The following DMD variants were observed in gnomAD, a reference collection of about 807,000 sequenced individuals.
DMD encodes the protein dystrophin, also known as mutant dystrophin.
In DMD, 63 loss-of-function variants were observed where a neutral mutation model predicts 330.1. The observed-to-expected ratio is 0.19, with a 90% CI of 0.16 to 0.24. The LOEUF is 0.24. Ranked by LOEUF, DMD falls within the 10% of genes least tolerant of loss-of-function variation. The pLI, the probability that DMD is intolerant of heterozygous loss-of-function variation, is 1.00. For synonymous variants in DMD, 1,223 were observed against 959.8 expected, an observed-to-expected ratio of 1.27 and a Z score of -5.07; for missense variants, 3,344 against 2,684.1, an observed-to-expected ratio of 1.25 and a Z score of -5.43.
At chrX:32,563,739 C>A (rs1301864874) in intron 16 of DMD, among the ~76,000 whole-genome samples, 1 of 111,694 alleles carries the variant, frequency 9.0e-6, no homozygotes, top group Non-Finnish European at 1.9e-5. Context: ...AAAAGTAGTC[C>A]CATTCCAAGG....
chrX:31,912,938 T>C (rs1249411285), intron 47 of DMD, among the ~76,000 whole-genome samples: 1 of 112,783 alleles, frequency 8.9e-6, no homozygotes, highest in Non-Finnish European at 1.9e-5. Context: ...TTGGTGCTTG[T>C]TCTTTTGGAA....
chrX:31,569,494 G>C (rs1291133108), intron 55 of DMD, among the ~76,000 whole-genome samples: 1 of 105,899 alleles, frequency 9.4e-6, no homozygotes, highest in Non-Finnish European at 2.0e-5. Context: ...ATAGATTCCT[G>C]CCCTACAGTT....
intron 43 of DMD, among the ~76,000 whole-genome samples, chrX:32,258,984 G>T (rs1328275191): frequency 1.8e-5 from 2 of 110,606 alleles, no homozygotes; most frequent in African/African-American, 6.6e-5. Flanking sequence ...TACAAATTGT[G>T]GACTCACATG....
At chrX:31,926,723 G>A (rs898082994) in intron 47 of DMD, among the ~76,000 whole-genome samples, 6 of 111,358 alleles carry the variant, frequency 5.4e-5, no homozygotes, top group Middle Eastern at 4.6e-3. Flanking sequence ...AGAGTAAGGG[G>A]TCAGTTGGCT....
At chrX:32,346,200 G>A (rs1457273624) in intron 38 of DMD, 120 bp from the exon 39 acceptor site, 6 of 791,179 alleles carry the variant, frequency 7.6e-6, no homozygotes, top group Non-Finnish European at 1.1e-5. Flanking sequence ...AACTTTCATG[G>A]AATGCTATTA....
At chrX:31,828,624 A>G (rs1464169072) in intron 49 of DMD, among the ~76,000 whole-genome samples, 3 of 102,116 alleles carry the variant, frequency 2.9e-5, no homozygotes, top group Non-Finnish European at 5.9e-5. Context: ...AGATCATGCC[A>G]CAGCACTAAA....
intron 2 of DMD, among the ~76,000 whole-genome samples, chrX:32,921,626 GAGA>G (rs1054883847): frequency 4.5e-5 from 5 of 111,572 alleles, no homozygotes; most frequent in African/African-American, 6.5e-5. Context: ...CCCAGTAAGA[GAGA>G]AGGAGGATAA....
chrX:32,600,474 G>T (rs72626044), intron 12 of DMD, among the ~76,000 whole-genome samples: 1 of 106,069 alleles, frequency 9.4e-6, no homozygotes, highest in East Asian at 3.0e-4. Flanking sequence ...GGAAAGAACA[G>T]GAAAAGAACA....
chrX:32,301,650 G>A (rs1228496939), intron 42 of DMD, among the ~76,000 whole-genome samples: 1 of 110,435 alleles, frequency 9.1e-6, no homozygotes, highest in Non-Finnish European at 1.9e-5. Flanking sequence ...TTTTTTAAAT[G>A]GCAAAGGAAA....
intron 43 of DMD, among the ~76,000 whole-genome samples, chrX:32,267,075 T>C: frequency 8.9e-6 from 1 of 112,408 alleles, no homozygotes; most frequent in Admixed American, 9.4e-5. Context: ...GCCCCAGATT[T>C]GCCACTGTTG....
rs779400836 is a variant in DMD at position 33,008,674 on chromosome X, T to C, written c.93+11465A>G. 5.5e-5 allele frequency among the ~76,000 whole-genome samples: 6 copies of C among 108,837 alleles called. No homozygotes were observed. In the South Asian group the frequency reaches 2.0e-3, roughly 36 times the overall value. The allele number at this position is 108,837 out of a possible 115,157, so 94.5% of individuals were successfully genotyped here. ...TTTCTAACCTTTGAACACAATTATA[T>C]TAATATCTTTATTCATCACCTATCT... On this transcript the variant is annotated intron_variant, in intron 2 of 78. Transcript: ENST00000357033.
chrX:32,309,355 TATA>T (rs1485109695), intron 42 of DMD, among the ~76,000 whole-genome samples: 1 of 111,413 alleles, frequency 9.0e-6, no homozygotes, highest in Non-Finnish European at 1.9e-5. Context: ...CTGGGTATAC[TATA>T]ATATTTCATT....
Position 32,709,037 on chromosome X carries a change from A to G in DMD, c.650-9744T>C, listed in dbSNP as rs1015954205. On this transcript the variant is annotated intron_variant, in intron 7 of 78. Transcript: ENST00000357033. Reference sequence around the variant, plus strand: ...GAGGCATGCTGATGAAACACACCCAATCAAGAAGTAGCAAACTTTAACCCA... The same window carrying G: ...GAGGCATGCTGATGAAACACACCCAGTCAAGAAGTAGCAAACTTTAACCCA... Among the ~76,000 whole-genome samples, 3 of 112,158 alleles carry G rather than the reference A, an allele frequency of 2.7e-5. 1 individual carries two copies. The highest frequency in any genetic ancestry group is 9.7e-5 in the African/African-American group (3 of 30,812).
chrX:32,738,272 A>G (rs1049519747), intron 7 of DMD, among the ~76,000 whole-genome samples: 1 of 111,436 alleles, frequency 9.0e-6, no homozygotes, highest in South Asian at 3.7e-4. Flanking sequence ...TGTTGCTTTT[A>G]AAATCATCAC....
intron 13 of DMD, among the ~76,000 whole-genome samples, chrX:32,576,217 C>G (rs1341168262): frequency 9.0e-6 from 1 of 111,477 alleles, no homozygotes; most frequent in Non-Finnish European, 1.9e-5. Context: ...GTACAAAACC[C>G]TATATATAGT....
chrX:32,063,170 A>G (rs778520047), intron 44 of DMD, among the ~76,000 whole-genome samples: 191 of 63,762 alleles, frequency 3.0e-3, no homozygotes, highest in Non-Finnish European at 4.3e-3. Context: ...TACTCAAATA[A>G]TGTTTTAAGT....
intron 7 of DMD, among the ~76,000 whole-genome samples, chrX:32,784,560 C>T (rs2075187029): frequency 8.9e-6 from 1 of 111,738 alleles, no homozygotes; most frequent in Admixed American, 9.6e-5. Flanking sequence ...TAGTGGTGGA[C>T]TTTATCACTT....
chrX:31,962,350 A>T (rs1695230850), intron 45 of DMD, among the ~76,000 whole-genome samples: 2 of 112,111 alleles, frequency 1.8e-5, no homozygotes, highest in African/African-American at 6.5e-5. Context: ...AAAGTGGGAC[A>T]GGTGCTGCAA....
chrX:31,749,376 G>A (rs2088223995), intron 51 of DMD, among the ~76,000 whole-genome samples: 1 of 96,266 alleles, frequency 1.0e-5, no homozygotes, highest in Non-Finnish European at 2.0e-5. Flanking sequence ...TCCCACCTAT[G>A]AATGAGAATA....
Sources: gnomAD v4.1 joint callset for allele counts (sites outside exome capture counted in the v4.1 genomes callset) on GRCh38, gnomAD v4.1.1 for gene constraint, MANE v1.5 for transcripts, NCBI Gene and HGNC (gene_info 2026-07-23, HGNC 2026-07-21) for gene names.